GRM3: variants seen among roughly 807,000 people sequenced by gnomAD.
The protein encoded by GRM3 is glutamate metabotropic receptor 3.
A neutral mutation model predicts 70.5 loss-of-function variants in GRM3; 26 were observed. The ratio of observed to expected loss-of-function variants is 0.37; its 90% CI spans 0.27 to 0.51. The LOEUF (loss-of-function observed/expected upper bound fraction) is 0.51. Among genes scored for constraint, GRM3 ranks in the 20% least tolerant of loss-of-function variants. The pLI, the probability that GRM3 is intolerant of heterozygous loss-of-function variation, is 0.93. For missense variants in GRM3, 859 were observed against 1,123.8 expected, an observed-to-expected ratio of 0.76 and a Z score of 3.37; for synonymous variants, 443 against 434.9, an observed-to-expected ratio of 1.02 and a Z score of -0.23.
intron 1 of GRM3, among the ~76,000 whole-genome samples, chr7:86,755,345 A>C (rs1796318888): frequency 6.6e-6 from 1 of 152,168 alleles, no homozygotes; most frequent in Admixed American, 6.5e-5. Flanking sequence ...TGACATTCAA[A>C]AGGCTTAACA....
At chr7:86,845,380 G>A (rs1798636474) in intron 4 of GRM3, among the ~76,000 whole-genome samples, 2 of 152,152 alleles carry the variant, frequency 1.3e-5, no homozygotes, top group Non-Finnish European at 2.9e-5. Context: ...CATTTTTGAT[G>A]TTTTAAATAT....
intron 1 of GRM3, among the ~76,000 whole-genome samples, chr7:86,719,318 C>T (rs1795397075): frequency 6.6e-6 from 1 of 151,886 alleles, no homozygotes; most frequent in Middle Eastern, 3.2e-3. Flanking sequence ...TTTCTACTCT[C>T]CATTCTCTGG....
At chr7:86,719,613 G>A (rs1201079878) in intron 1 of GRM3, among the ~76,000 whole-genome samples, 1 of 152,046 alleles carries the variant, frequency 6.6e-6, no homozygotes, top group African/African-American at 2.4e-5. Context: ...TAAATCAATT[G>A]TGGAAGGAAG....
intron 3 of GRM3, among the ~76,000 whole-genome samples, chr7:86,793,137 AGAG>A (rs1197429444): frequency 6.6e-6 from 1 of 151,652 alleles, no homozygotes; most frequent in Non-Finnish European, 1.5e-5. Context: ...TACACCTGGA[AGAG>A]GAGAAGAGGC....
At chr7:86,718,273 T>C (rs2116213034) in intron 1 of GRM3, among the ~76,000 whole-genome samples, 1 of 152,048 alleles carries the variant, frequency 6.6e-6, no homozygotes, top group Middle Eastern at 3.4e-3. Context: ...TCACAATTTA[T>C]CTAAACTAGC....
chr7:86,859,095 C>T (rs1426727044), intron 5 of GRM3, among the ~76,000 whole-genome samples: 4 of 152,130 alleles, frequency 2.6e-5, no homozygotes, highest in Non-Finnish European at 5.9e-5. Context: ...CATCCTGCGA[C>T]CTCAGCACTT....
intron 1 of GRM3, among the ~76,000 whole-genome samples, chr7:86,694,524 A>G (rs1037371716): frequency 6.2e-5 from 9 of 144,196 alleles, no homozygotes; most frequent in Non-Finnish European, 1.0e-4. Flanking sequence ...AAAAAAAAAA[A>G]AAAAGAAAAG....
intron 3 of GRM3, among the ~76,000 whole-genome samples, chr7:86,822,128 C>T (rs897940980): frequency 6.6e-6 from 1 of 152,004 alleles, no homozygotes; most frequent in Non-Finnish European, 1.5e-5. Flanking sequence ...AAAATGACAT[C>T]TATTTTTTTT....
chr7:86,677,481 A>C (rs1302120171), intron 1 of GRM3, among the ~76,000 whole-genome samples: 1 of 152,012 alleles, frequency 6.6e-6, no homozygotes, highest in Non-Finnish European at 1.5e-5. Context: ...GAGGTCAAGC[A>C]TATTTGGTCA....
intron 4 of GRM3, among the ~76,000 whole-genome samples, chr7:86,842,018 G>T (rs1798567835): frequency 6.6e-6 from 1 of 152,152 alleles, no homozygotes; most frequent in Admixed American, 6.5e-5. Context: ...AATGAGAAAG[G>T]TAGACTGAAG....
intron 1 of GRM3, among the ~76,000 whole-genome samples, chr7:86,654,444 T>C (rs925402394): frequency 5.9e-5 from 9 of 152,208 alleles, no homozygotes; most frequent in African/African-American, 1.9e-4. Flanking sequence ...ACCGTTCTGA[T>C]GGTTACAGTA....
chr7:86,816,375 C>T (rs889006503), intron 3 of GRM3, among the ~76,000 whole-genome samples: 1 of 151,746 alleles, frequency 6.6e-6, no homozygotes, highest in Non-Finnish European at 1.5e-5. Flanking sequence ...ATTTGGCATA[C>T]AGATTATTTC....
chr7:86,691,642 G>C (rs1226745551), intron 1 of GRM3, among the ~76,000 whole-genome samples: 2 of 152,184 alleles, frequency 1.3e-5, no homozygotes, highest in African/African-American at 4.8e-5. Context: ...AGACATTAGA[G>C]CTCTTGTGAA....
chr7:86,714,999 T>A (rs1413577706), intron 1 of GRM3, among the ~76,000 whole-genome samples: 1 of 152,020 alleles, frequency 6.6e-6, no homozygotes, highest in African/African-American at 2.4e-5. Flanking sequence ...CTCATTCCTG[T>A]ATATTTTTTC....
intron 5 of GRM3, among the ~76,000 whole-genome samples, chr7:86,856,878 A>T (rs1798860378): frequency 6.6e-6 from 1 of 152,150 alleles, no homozygotes; most frequent in African/African-American, 2.4e-5. Context: ...CTTTAATAAC[A>T]GTGACCACAA....
chr7:86,858,104 C>A (rs979657106), intron 5 of GRM3, among the ~76,000 whole-genome samples: 4 of 151,892 alleles, frequency 2.6e-5, no homozygotes, highest in African/African-American at 9.7e-5. Flanking sequence ...CTACAGGCAC[C>A]CGCCACCACG....
intron 1 of GRM3, among the ~76,000 whole-genome samples, chr7:86,681,588 G>A (rs1050217817): frequency 5.9e-5 from 9 of 152,100 alleles, no homozygotes; most frequent in Non-Finnish European, 1.2e-4. Flanking sequence ...GAGGCGGGGT[G>A]TGGAATTCAT....
intron 1 of GRM3, among the ~76,000 whole-genome samples, chr7:86,649,250 A>C (rs1793550602): frequency 6.6e-6 from 1 of 152,170 alleles, no homozygotes; most frequent in Admixed American, 6.5e-5. Context: ...ACAAAAGGAA[A>C]ATCAATTTTC....
At chr7:86,685,889 GAGAA>G (rs1206714225) in intron 1 of GRM3, among the ~76,000 whole-genome samples, 1 of 122,994 alleles carries the variant, frequency 8.1e-6, no homozygotes, top group Non-Finnish European at 1.6e-5. Context: ...CTGGGCAACA[GAGAA>G]AGACTCTGTC....
Sources: gnomAD v4.1 joint callset for allele counts (sites outside exome capture counted in the v4.1 genomes callset) on GRCh38, gnomAD v4.1.1 for gene constraint, MANE v1.5 for transcripts, NCBI Gene and HGNC (gene_info 2026-07-23, HGNC 2026-07-21) for gene names.